Variants in PLEKHS1 observed in about 807,000 individuals in gnomAD.
The protein encoded by PLEKHS1 is pleckstrin homology domain-containing family S member 1.
PLEKHS1 carries 55 observed loss-of-function variants against 51.0 expected under a neutral mutation model. That is an observed-to-expected ratio of 1.08 (90% CI 0.87 to 1.35). The LOEUF (loss-of-function observed/expected upper bound fraction) is 1.35, where lower values mean the gene tolerates loss of function less well. Among genes scored for constraint, PLEKHS1 ranks in the 40% most tolerant of loss-of-function variants. PLEKHS1 has a pLI of 0.00. For synonymous variants in PLEKHS1, 153 were observed against 144.8 expected (o/e 1.06, Z -0.41); for missense variants, 398 against 423.0 (o/e 0.94, Z 0.52).
Position 113,761,035 on chromosome 10 carries a change from G to A in PLEKHS1, c.29-5376G>A, listed in dbSNP as rs192313013. 1.9e-3 allele frequency among the ~76,000 whole-genome samples: 295 copies of A among 152,228 alleles called. 1 individual carries two copies. The highest frequency in any genetic ancestry group is 3.4e-3 in the Middle Eastern group (1 of 294). Reference sequence around the variant, plus strand: ...TCTTTTGCATGTGAATACTCAGTTGGCCCAGCACCATTTATTGAAAAGACT... The same window carrying A: ...TCTTTTGCATGTGAATACTCAGTTGACCCAGCACCATTTATTGAAAAGACT... On this transcript the variant is annotated intron_variant, in intron 2 of 11. Coordinates refer to ENST00000361048, the Ensembl canonical transcript of PLEKHS1.
chr10:113,774,530 C>T (rs145471537), intron 9 of PLEKHS1, among the ~76,000 whole-genome samples, 197 bp downstream of exon 9: 329 of 152,332 alleles, frequency 2.2e-3, no homozygotes, highest in Non-Finnish European at 4.1e-3. Flanking sequence ...CCGATGACAT[C>T]CTCAGGACCT....
At chr10:113,776,387 C>G (rs1844664034) in intron 11 of PLEKHS1, among the ~76,000 whole-genome samples, 1 of 152,166 alleles carries the variant, frequency 6.6e-6, no homozygotes, top group African/African-American at 2.4e-5. Flanking sequence ...TTTGATATGG[C>G]ATTTTTTTAA....
chr10:113,776,548 C>A (rs758318652), intron 11 of PLEKHS1, among the ~76,000 whole-genome samples: 4 of 152,138 alleles, frequency 2.6e-5, no homozygotes, highest in Non-Finnish European at 4.4e-5. Context: ...ATCTAAGGCT[C>A]AATACACACT....
rs201649710 is a variant in PLEKHS1, at chr10:113,775,801, C to G, written c.1026C>G (p.Asn342Lys). 3.1e-6 allele frequency: 5 copies of G among 1,612,766 alleles called. No homozygotes were observed. In the South Asian group the frequency reaches 5.5e-5, roughly 18 times the overall value. The stretch of plus-strand genomic sequence containing the variant: ...ATGAAAGCCAAGTGGAGAAACTGAA[C>G]GTTTTCCTTTCTCCTCCTGATGTCA... Residue 342 changes from asparagine (N) to lysine (K), a missense_variant, in exon 11 of 12, where the codon AAC becomes AAG. Asn to Lys is a moderately conservative substitution (Grantham distance 94). Transcript: ENST00000361048.
In PLEKHS1 at chr10:113,771,937, A is replaced by G. The variant is rs570495214; in HGVS notation, c.553-33A>G. The G allele has an allele frequency of 3.1e-6, 5 of 1,588,986 alleles. No homozygotes were observed. In the South Asian group the frequency reaches 3.5e-5, roughly 11 times the overall value. Reference sequence around the variant, plus strand: ...TGATTTAATTCTATCTCTTGCAAAGAAAAAGCAAAGCATTTTTATCTCTTT... The same window carrying G: ...TGATTTAATTCTATCTCTTGCAAAGGAAAAGCAAAGCATTTTTATCTCTTT... On this transcript the variant is annotated intron_variant, in intron 7 of 11. Coordinates refer to ENST00000361048, the Ensembl canonical transcript of PLEKHS1.
chr10:113,758,592 CT>C (rs886251982), intron 2 of PLEKHS1, among the ~76,000 whole-genome samples: 4 of 152,094 alleles, frequency 2.6e-5, no homozygotes, highest in African/African-American at 9.7e-5. Context: ...GATTTTCTAG[CT>C]TTTAATTGAA....
At chr10:113,756,858 G>C (rs1854137970) in intron 2 of PLEKHS1, among the ~76,000 whole-genome samples, 1 of 150,724 alleles carries the variant, frequency 6.6e-6, no homozygotes, top group African/African-American at 2.4e-5. Context: ...ACAAGTAACT[G>C]TTGAAGCATT....
chr10:113,769,756 CCTGA>C (rs1564823120), intron 6 of PLEKHS1, 24 bp from the exon 7 acceptor site: 2 of 1,440,482 alleles, frequency 1.4e-6, no homozygotes, highest in African/African-American at 2.8e-5. Context: ...TCAACTGTGC[CCTGA>C]CTGATTCCTT....
chr10:113,783,262 T>C (rs1487061334), downstream of PLEKHS1: 4 of 151,872 alleles, frequency 2.6e-5, no homozygotes, highest in Non-Finnish European at 5.9e-5. Flanking sequence ...CATGTGGGTA[T>C]TGCTTAATTC....
chr10:113,780,476 T>C (rs1204934679), intron 11 of PLEKHS1, 126 bp from the exon 13 acceptor site: 1 of 864,220 alleles, frequency 1.2e-6, no homozygotes, highest in African/African-American at 1.7e-5. Flanking sequence ...CTGGCCCAGA[T>C]ATTACAGTTC....
chr10:113,777,416 T>G (rs1476344271), intron 11 of PLEKHS1, 157 bp downstream of exon 12: 2 of 1,609,522 alleles, frequency 1.2e-6, no homozygotes, highest in Non-Finnish European at 1.7e-6. Context: ...TCAGGACTCT[T>G]TCAGGATTCT....
intron 11 of PLEKHS1, 112 bp from the exon 13 acceptor site, chr10:113,780,490 G>A: frequency 1.0e-6 from 1 of 999,762 alleles, no homozygotes; most frequent in South Asian, 1.5e-5. Context: ...ACAGTTCACT[G>A]CAGGACTTTC....
chr10:113,752,243 C>T (rs909854238), intron 1 of PLEKHS1, among the ~76,000 whole-genome samples: 21 of 152,136 alleles, frequency 1.4e-4, no homozygotes, highest in Non-Finnish European at 2.1e-4. Flanking sequence ...TAACCATTTC[C>T]TCGTCTGTAA....
chr10:113,774,919 A>C lies in PLEKHS1; in HGVS notation c.873A>C (p.Gln291His), dbSNP rs755050160. Residue 291 changes from glutamine to histidine, a missense_variant, in exon 10 of 12, where the codon CAA (glutamine) becomes CAC (histidine). Coordinates refer to ENST00000361048, the Ensembl canonical transcript of PLEKHS1. ...CCCAGGATGGGGACCTCCACCTGCA[A>C]GAACAAGGCTCAGGAATTGATTGGT... 1.2e-5 allele frequency: 20 copies of C among 1,614,208 alleles called. 1 individual carries two copies. Among genetic ancestry groups the C allele is most frequent in the South Asian group, 1.2e-4 (11 of 91,082 alleles).
chr10:113,777,232 GT>G (rs1363566097), intron 11 of PLEKHS1: 1 of 1,612,716 alleles, frequency 6.2e-7, no homozygotes, highest in Non-Finnish European at 8.5e-7. Flanking sequence ...AGGTCTCCCT[GT>G]TTCTTACCCG....
chr10:113,755,498 C>T, intron 2 of PLEKHS1, 193 bp downstream of exon 2: 1 of 1,096,670 alleles, frequency 9.1e-7, no homozygotes, highest in Non-Finnish European at 1.2e-6. Flanking sequence ...TGCAACCTGC[C>T]AGCTCAAGTG....
Position 113,757,845 on chromosome 10 carries a change from A to G in PLEKHS1, c.28+2540A>G, listed in dbSNP as rs969966391. ...GTAATATTTTAAATCCTTTATTGTG[A>G]TTTCAAAAATAAACAGCATGTTCAC... is the stretch of plus-strand genomic sequence containing the variant. On this transcript the variant is annotated intron_variant, in intron 2 of 11. Transcript: ENST00000361048. Among the ~76,000 whole-genome samples, 5 of 152,214 alleles carry G rather than the reference A, an allele frequency of 3.3e-5. No individual in the cohort carries two copies. The East Asian group carries it at 5.8e-4, about 18-fold the overall frequency.
At chr10:113,770,219 C>T (rs2134540258) in intron 7 of PLEKHS1, among the ~76,000 whole-genome samples, 1 of 152,250 alleles carries the variant, frequency 6.6e-6, no homozygotes, top group African/African-American at 2.4e-5. Flanking sequence ...GGCACAGATC[C>T]CTCTGCCAAA....
At chr10:113,766,463 T>C (rs1224886992) in exon 3 of PLEKHS1, 1 of 1,604,474 alleles carries the variant, frequency 6.2e-7, no homozygotes, top group Non-Finnish European at 8.5e-7. Flanking sequence ...AAGATTACTT[T>C]ATTAAATCAC....
Sources: allele counts gnomAD v4.1 joint callset (sites outside exome capture counted in the v4.1 genomes callset), GRCh38; gene constraint gnomAD v4.1.1; transcripts MANE v1.5; gene names NCBI Gene and HGNC (gene_info 2026-07-23, HGNC 2026-07-21).